WNK3: variants seen among roughly 807,000 people sequenced by gnomAD.
The protein encoded by WNK3 is serine/threonine-protein kinase WNK3.
A neutral mutation model predicts 116.7 loss-of-function variants in WNK3; 18 were observed. The ratio of observed to expected loss-of-function variants is 0.15; its 90% CI spans 0.11 to 0.23. WNK3 has a LOEUF of 0.23. Among genes scored for constraint, WNK3 ranks in the 10% least tolerant of loss-of-function variants. The pLI is 1.00. For synonymous variants in WNK3, 404 were observed against 469.4 expected, an observed-to-expected ratio of 0.86 and a Z score of 1.80; for missense variants, 993 against 1,323.8, an observed-to-expected ratio of 0.75 and a Z score of 3.88.
At chrX:54,205,567 C>T (rs927287548) in intron 22 of WNK3, among the ~76,000 whole-genome samples, 2 of 111,334 alleles carry the variant, frequency 1.8e-5, no homozygotes, top group African/African-American at 6.5e-5. Context: ...AAAGCAAGAC[C>T]GTGTCTCTTA....
intron 10 of WNK3, among the ~76,000 whole-genome samples, chrX:54,279,717 T>C (rs2068493197): frequency 8.9e-6 from 1 of 112,109 alleles, no homozygotes; most frequent in Non-Finnish European, 1.9e-5. Flanking sequence ...CACATACAAA[T>C]ACTGAAAAGG....
At chrX:54,220,352 T>C (rs1302577117) in intron 22 of WNK3, among the ~76,000 whole-genome samples, 1 of 110,325 alleles carries the variant, frequency 9.1e-6, no homozygotes, top group Non-Finnish European at 1.9e-5. Flanking sequence ...TCAGAAGCTG[T>C]AGACCAGCCT....
At chrX:54,278,968 T>C (rs2068482836) in intron 10 of WNK3, among the ~76,000 whole-genome samples, 1 of 111,032 alleles carries the variant, frequency 9.0e-6, no homozygotes, top group African/African-American at 3.3e-5. Context: ...CTTGGGAGGC[T>C]GAGGCAGGAG....
chrX:54,257,496 C>T (rs1569536919), intron 11 of WNK3, among the ~76,000 whole-genome samples: 4 of 111,147 alleles, frequency 3.6e-5, no homozygotes, highest in Non-Finnish European at 7.5e-5. Context: ...TGCTTGCTAA[C>T]ATAGAAGATT....
In WNK3 at chrX:54,301,767, C is replaced by A. The variant is rs782755440; in HGVS notation, c.1178+4G>T. 6.7e-6 allele frequency: 8 copies of A among 1,197,830 alleles called. No homozygotes were observed. Among genetic ancestry groups the A allele is most frequent in the Non-Finnish European group, 7.9e-6 (7 of 886,418 alleles). ...TTATGTCATTTTGCTACAATTGCAC[C>A]CACCTTTCAGATTTGTTTTGACGAA... On this transcript the variant is annotated splice_donor_region_variant and intron_variant, in intron 6 of 23. Transcript: ENST00000354646.
At chrX:54,242,890 G>A (rs1280939358) in intron 17 of WNK3, among the ~76,000 whole-genome samples, 1 of 111,941 alleles carries the variant, frequency 8.9e-6, no homozygotes, top group Non-Finnish European at 1.9e-5. Flanking sequence ...CATCAAGACA[G>A]TGAAAAGACA....
At chrX:54,238,300 TA>T (rs1284732539) in intron 19 of WNK3, 41 bp downstream of exon 19, 15 of 1,175,888 alleles carry the variant, frequency 1.3e-5, no homozygotes, top group Non-Finnish European at 1.7e-5. Context: ...TGTTATATTT[TA>T]TAATGCCCTT....
chrX:54,303,890 C>T (rs961734086), intron 5 of WNK3, among the ~76,000 whole-genome samples: 5 of 111,495 alleles, frequency 4.5e-5, no homozygotes, highest in South Asian at 3.7e-4. Flanking sequence ...TCTGCTCCTA[C>T]GTAAAAACAG....
intron 5 of WNK3, among the ~76,000 whole-genome samples, chrX:54,304,144 C>A (rs782426342): frequency 9.0e-5 from 10 of 111,429 alleles, no homozygotes; most frequent in Admixed American, 2.9e-4. Flanking sequence ...CATATTGTAT[C>A]CTGGAATATT....
chrX:54,332,624 T>C (rs1183943633), intron 2 of WNK3, among the ~76,000 whole-genome samples: 1 of 111,454 alleles, frequency 9.0e-6, no homozygotes, highest in Non-Finnish European at 1.9e-5. Context: ...CCATGACTCA[T>C]GCCTGTAATC....
chrX:54,333,734 A>C lies in WNK3; in HGVS notation c.-61T>G. 15 of 919,090 alleles carry C rather than the reference A, an allele frequency of 1.6e-5. No homozygotes were observed. The highest frequency in any genetic ancestry group is 2.2e-5 in the Non-Finnish European group (15 of 669,819). The allele number at this position is 919,090 out of a possible 1,213,427, so 75.7% of individuals were successfully genotyped here. A position where few individuals can be genotyped will look rare whatever the true frequency, so the allele number is the denominator to read the frequency against. ...CTACTCTTCAGTCCAGTTACATCTC[A>C]GGTATCAGAATTATCAGAATGGACT... is the stretch of plus-strand genomic sequence containing the variant. On this transcript the variant is annotated 5_prime_UTR_variant, in exon 2 of 24. The change abolishes the stop of an existing upstream ORF in the 5' untranslated region. Coordinates refer to ENST00000354646, the Ensembl canonical transcript of WNK3.
At chrX:54,351,286 G>A (rs2069512115) in intron 1 of WNK3, among the ~76,000 whole-genome samples, 1 of 110,813 alleles carries the variant, frequency 9.0e-6, no homozygotes. Context: ...GAGAAAAAAG[G>A]ACTATAACTA....
intron 5 of WNK3, among the ~76,000 whole-genome samples, chrX:54,302,610 T>C (rs948057460): frequency 3.4e-4 from 37 of 107,697 alleles, no homozygotes; most frequent in African/African-American, 1.2e-3. Context: ...CATAAACAAA[T>C]ACTTTTTTGA....
intron 1 of WNK3, among the ~76,000 whole-genome samples, chrX:54,342,052 A>G (rs1242337566): frequency 1.8e-5 from 2 of 111,197 alleles, no homozygotes; most frequent in African/African-American, 6.5e-5. Flanking sequence ...CTTGAGCCCA[A>G]GAGTTTGAGA....
chrX:54,300,610 T>C (rs782666485), intron 6 of WNK3, among the ~76,000 whole-genome samples: 2 of 112,080 alleles, frequency 1.8e-5, no homozygotes, highest in East Asian at 2.8e-4. Context: ...TATAAATCCT[T>C]TGCAATATTC....
At chrX:54,321,386 C>T (rs112254031) in intron 2 of WNK3, among the ~76,000 whole-genome samples, 2,782 of 111,570 alleles carry the variant, frequency 0.025, 93 homozygotes, top group African/African-American at 0.087. Context: ...ACCCCGTACG[C>T]TGAATTCTGA....
intron 10 of WNK3, among the ~76,000 whole-genome samples, chrX:54,266,756 G>T (rs2068315980): frequency 9.1e-6 from 1 of 109,448 alleles, no homozygotes. Context: ...TTATGTTCTG[G>T]GATACATGTG....
intron 6 of WNK3, among the ~76,000 whole-genome samples, chrX:54,299,316 G>A (rs2068731374): frequency 9.0e-6 from 1 of 110,829 alleles, no homozygotes; most frequent in African/African-American, 3.3e-5. Context: ...TAGTGACCAA[G>A]TGACAAATAC....
At chrX:54,336,326 GCCCCACCCT>G (rs1369713811) in intron 1 of WNK3, among the ~76,000 whole-genome samples, 2 of 92,241 alleles carry the variant, frequency 2.2e-5, no homozygotes, top group East Asian at 7.5e-4. Flanking sequence ...TCTCACCCCT[GCCCCACCCT>G]CCCCATCCCC....
Sources: gnomAD v4.1 joint callset for allele counts (sites outside exome capture counted in the v4.1 genomes callset) on GRCh38, gnomAD v4.1.1 for gene constraint, MANE v1.5 for transcripts, NCBI Gene and HGNC (gene_info 2026-07-23, HGNC 2026-07-21) for gene names.